KIF26B: variants seen among roughly 807,000 people sequenced by gnomAD.
KIF26B encodes kinesin family member 26B.
A neutral mutation model predicts 151.2 loss-of-function variants in KIF26B; 63 were observed. The observed-to-expected ratio is 0.42, with a 90% CI of 0.34 to 0.51. The LOEUF (loss-of-function observed/expected upper bound fraction) is 0.51, where lower values mean the gene tolerates loss of function less well. Ranked by LOEUF, KIF26B falls within the 20% of genes least tolerant of loss-of-function variation. KIF26B has a pLI of 0.07. For missense variants in KIF26B, 2,813 were observed against 2,913.6 expected (o/e 0.97, Z 0.79); for synonymous variants, 1,357 against 1,262.1 (o/e 1.08, Z -1.59).
rs1668614784 is a variant in KIF26B at position 245,166,390 on chromosome 1, GC to G, written c.465+9708del. ...GTTTCTTCACCTCCAAGTGGATAAAGCATCTCATTCTTATTTATTCATTTGT... is the reference window on the plus strand; with the variant it reads ...GTTTCTTCACCTCCAAGTGGATAAAGATCTCATTCTTATTTATTCATTTGT... On this transcript the variant is annotated intron_variant, in intron 2 of 14. Transcript: ENST00000407071. This position sits in a 1 kb window ranked among gnomAD's most constrained non-coding sequence, Gnocchi z 4.5. Among the ~76,000 whole-genome samples the G allele has an allele frequency of 6.6e-6, 1 of 152,138 alleles. No homozygotes were observed. Among genetic ancestry groups the G allele is most frequent in the African/African-American group, 2.4e-5 (1 of 41,436 alleles).
intron 3 of KIF26B, among the ~76,000 whole-genome samples, chr1:245,395,293 G>T (rs953685395): frequency 9.2e-5 from 14 of 152,104 alleles, no homozygotes; most frequent in Admixed American, 6.6e-5. Context: ...TTGGCTCTGG[G>T]TTTTTTCCTG....
At chr1:245,614,859 CGG>C in intron 9 of KIF26B, 1 of 97,402 alleles carries the variant, frequency 1.0e-5, no homozygotes, top group Non-Finnish European at 2.0e-5. Context: ...GAAACGCATT[CGG>C]ATAGGGATGA....
rs1186692302 is a variant in KIF26B at position 245,556,356 on chromosome 1, CTCCTCCTTCTTCTTCT to C, written c.1350+15427_1350+15442del. ...TCTTCCTCCTTCCTCCCTCCTCCTC[CTCCTCCTTCTTCTTCT>C]TCCTCCTTCTTCTTCTTCCTTCTTT... On this transcript the variant is annotated intron_variant, in intron 5 of 14. Transcript: ENST00000407071. Among the ~76,000 whole-genome samples, 580 of 137,858 alleles carry C rather than the reference CTCCTCCTTCTTCTTCT, an allele frequency of 4.2e-3. 4 individuals are homozygous for C. The highest frequency in any genetic ancestry group is 7.8e-3 in the Admixed American group (112 of 14,418). 90.4% of individuals were successfully genotyped at this position (137,858 alleles called of 152,430 possible).
At chr1:245,252,143 G>A (rs1188841389) in intron 2 of KIF26B, among the ~76,000 whole-genome samples, 2 of 151,720 alleles carry the variant, frequency 1.3e-5, no homozygotes, top group Admixed American at 6.6e-5. Flanking sequence ...GGATGTGGTG[G>A]TGCGCATCTG....
chr1:245,433,466 C>CA (rs111335967), intron 4 of KIF26B, among the ~76,000 whole-genome samples: 6,100 of 114,726 alleles, frequency 0.053, 456 homozygotes, highest in African/African-American at 0.18. Context: ...GACTCTGTCT[C>CA]AAAAAAAAAA....
intron 14 of KIF26B, among the ~76,000 whole-genome samples, chr1:245,700,133 C>T (rs112430142): frequency 0.01 from 1,539 of 152,206 alleles, 24 homozygotes; most frequent in African/African-American, 0.032. Flanking sequence ...CAGCATTTGC[C>T]GCTGTGGCCA....
intron 9 of KIF26B, among the ~76,000 whole-genome samples, chr1:245,644,534 T>C (rs2043926190): frequency 6.6e-6 from 1 of 152,238 alleles, no homozygotes. Context: ...TTAAGCTTTG[T>C]TTTAGAATGC....
At chr1:245,333,472 A>G (rs571083964) in intron 2 of KIF26B, among the ~76,000 whole-genome samples, 82 of 152,304 alleles carry the variant, frequency 5.4e-4, no homozygotes, top group African/African-American at 1.9e-3. Context: ...GTGAGTGTTT[A>G]GTGGGTGCGG....
Position 245,219,369 on chromosome 1 carries a change from C to T in KIF26B, c.465+62686C>T, listed in dbSNP as rs185617974. ...CTTCTGACCTTGTGATCTGCCTGCC[C>T]CGGCCTCCCAAAGTGCTGGGATTAT... On this transcript the variant is annotated intron_variant, in intron 2 of 14. Coordinates refer to ENST00000407071, the MANE Select transcript of KIF26B (RefSeq NM_018012.4). Among the ~76,000 whole-genome samples the T allele has an allele frequency of 8.7e-4, 132 of 151,886 alleles. 1 individual carries two copies. The highest frequency in any genetic ancestry group is 6.8e-3 in the Middle Eastern group (2 of 294).
At position 245,244,750 on chromosome 1, in the gene KIF26B, G is replaced by GCACACA. The variant is rs1670283660; in HGVS notation, c.465+88072_465+88073insACACAC. ...TTTGTGAGAAGGAACACACAGACAC[G>GCACACA]CACACTCACACACACACACACACAC... On this transcript the variant is annotated intron_variant, in intron 2 of 14. Transcript: ENST00000407071. This position sits in a 1 kb window ranked among gnomAD's most constrained non-coding sequence, Gnocchi z 4.2. Among the ~76,000 whole-genome samples the GCACACA allele has an allele frequency of 1.7e-5, 1 of 59,466 alleles. No individual in the cohort carries two copies. Among genetic ancestry groups the GCACACA allele is most frequent in the South Asian group, 6.0e-4 (1 of 1,670 alleles). The allele number at this position is 59,466 out of a possible 152,430, so 39.0% of individuals were successfully genotyped here.
In KIF26B at chr1:245,687,719, G is replaced by T. The variant is rs912523094; in HGVS notation, c.4736G>T (p.Gly1579Val). The change falls in exon 12 of 15, where the codon GGG (glycine) becomes GTG (valine). Residue 1579 changes from glycine to valine, a missense_variant. This residue lies in a region of KIF26B where 2,060 missense variants were observed against 2,088.6 expected (regional missense o/e 0.99). Coordinates refer to ENST00000407071, the MANE Select transcript of KIF26B (RefSeq NM_018012.4). This position sits in a 1 kb window ranked among gnomAD's most constrained non-coding sequence, Gnocchi z 4.9. ...CCGCCCTCCAAGGCTACCCTGGAGGGGAAGGTGGCTTCCCCCAAGCACTGT... is the reference window on the plus strand; with the variant it reads ...CCGCCCTCCAAGGCTACCCTGGAGGTGAAGGTGGCTTCCCCCAAGCACTGT... Reference protein sequence around the residue: ...GTPPSKATLEGKVASPKHCVL... With the variant: ...GTPPSKATLEVKVASPKHCVL... 8.2e-6 allele frequency: 13 copies of T among 1,579,976 alleles called. No individual in the cohort carries two copies. In the African/African-American group the frequency reaches 1.4e-4, roughly 16 times the overall value.
intron 4 of KIF26B, among the ~76,000 whole-genome samples, chr1:245,457,726 T>A (rs1558173684): frequency 1.3e-5 from 2 of 152,226 alleles, no homozygotes; most frequent in African/African-American, 2.4e-5. Flanking sequence ...CTTTTCTCAT[T>A]CAATATTATA....
chr1:245,595,373 G>T (rs1471136782), intron 5 of KIF26B, among the ~76,000 whole-genome samples: 1 of 152,176 alleles, frequency 6.6e-6, no homozygotes, highest in African/African-American at 2.4e-5. Flanking sequence ...TTAGCATGAA[G>T]GGGTGTTGAA....
chr1:245,324,784 C>G (rs552901839), intron 2 of KIF26B, among the ~76,000 whole-genome samples: 1 of 152,004 alleles, frequency 6.6e-6, no homozygotes, highest in Non-Finnish European at 1.5e-5. Flanking sequence ...CAGGACAACC[C>G]AAGATGCCAT....
intron 5 of KIF26B, among the ~76,000 whole-genome samples, chr1:245,586,931 C>T (rs2043234211): frequency 6.6e-6 from 1 of 152,154 alleles, no homozygotes; most frequent in South Asian, 2.1e-4. Flanking sequence ...ACTCACTGAG[C>T]CCTTCCCACG....
rs370546879 is a variant in KIF26B, at chr1:245,688,227, G to A, written c.5244G>A (p.Pro1748=). ...TGGCCAGCCCCAGAGCGCGCGGCCCGTCCGCCTCCACCACCAAAACCCTCA... is the reference window on the plus strand; with the variant it reads ...TGGCCAGCCCCAGAGCGCGCGGCCCATCCGCCTCCACCACCAAAACCCTCA... The part of the protein sequence containing the change: ...LLLASPRARG[P]SASTTKTLSF... The change falls in exon 12 of 15, where the codon CCG becomes CCA. Residue 1748 remains proline (P), a synonymous_variant. Transcript: ENST00000407071. 49 of 1,587,612 alleles carry A rather than the reference G, an allele frequency of 3.1e-5. No individual in the cohort carries two copies. Among genetic ancestry groups the A allele is most frequent in the Non-Finnish European group, 4.2e-5 (49 of 1,171,756 alleles).
chr1:245,199,362 G>T (rs1239826099), intron 2 of KIF26B, among the ~76,000 whole-genome samples: 1 of 152,110 alleles, frequency 6.6e-6, no homozygotes, highest in African/African-American at 2.4e-5. Context: ...GGTGTATGTT[G>T]GATGGTAGTG....
At chr1:245,214,507 CCAGA>C (rs1387267400) in intron 2 of KIF26B, among the ~76,000 whole-genome samples, 1 of 152,140 alleles carries the variant, frequency 6.6e-6, no homozygotes, top group Non-Finnish European at 1.5e-5. Context: ...AGGCTTTTTG[CCAGA>C]CAGAGGGCAA....
intron 2 of KIF26B, among the ~76,000 whole-genome samples, chr1:245,300,780 C>T (rs1301611208): frequency 1.3e-5 from 2 of 151,406 alleles, no homozygotes; most frequent in African/African-American, 2.4e-5. Flanking sequence ...CCACCCGCCT[C>T]GGCTTCCCAA....
Sources: allele counts gnomAD v4.1 joint callset (sites outside exome capture counted in the v4.1 genomes callset), GRCh38; gene constraint gnomAD v4.1.1; regional missense constraint gnomAD v4.1.1; non-coding constraint Gnocchi (gnomAD v3.1); transcripts MANE v1.5; gene names NCBI Gene and HGNC (gene_info 2026-07-23, HGNC 2026-07-21).